DEUP1: variants seen among roughly 807,000 people sequenced by gnomAD.
DEUP1 encodes coiled-coil domain containing 67.
DEUP1 carries 82 observed loss-of-function variants against 87.4 expected under a neutral mutation model. The observed-to-expected ratio is 0.94, with a 90% confidence interval of 0.78 to 1.13. DEUP1 has a LOEUF of 1.13. Ranked by LOEUF, DEUP1 falls within the 50% of genes most tolerant of loss-of-function variation. The pLI, the probability that DEUP1 is intolerant of heterozygous loss-of-function variation, is 0.00. For missense variants in DEUP1, 663 were observed against 681.5 expected, an observed-to-expected ratio of 0.97 and a Z score of 0.30; for synonymous variants, 214 against 222.7, an observed-to-expected ratio of 0.96 and a Z score of 0.35.
At chr11:93,343,110 A>T (rs566518008) in intron 2 of DEUP1, among the ~76,000 whole-genome samples, 15 of 152,334 alleles carry the variant, frequency 9.8e-5, no homozygotes, top group South Asian at 4.1e-4. Flanking sequence ...CACAATTAGA[A>T]GTTATCAGAG....
At chr11:93,401,373 C>T (rs1054195210) in intron 11 of DEUP1, among the ~76,000 whole-genome samples, 3 of 151,902 alleles carry the variant, frequency 2.0e-5, no homozygotes, top group African/African-American at 7.2e-5. Context: ...CTACTCACAG[C>T]GATTTACAGA....
At chr11:93,432,439 T>C (rs181397536) in intron 13 of DEUP1, among the ~76,000 whole-genome samples, 63 of 152,214 alleles carry the variant, frequency 4.1e-4, no homozygotes, top group Admixed American at 1.9e-3. Context: ...GGAAGTGCAA[T>C]AGAATCGCCT....
chr11:93,437,750 C>CCA lies in DEUP1; in HGVS notation c.*32_*33insAC, dbSNP rs529862351. 3.5e-5 allele frequency: 37 copies of CCA among 1,044,798 alleles called. No individual in the cohort carries two copies. Among genetic ancestry groups the CCA allele is most frequent in the East Asian group, 1.1e-4 (4 of 36,322 alleles). The allele number at this position is 1,044,798 out of a possible 1,614,324, so 64.7% of individuals were successfully genotyped here. A position where few individuals can be genotyped will look rare whatever the true frequency, so the allele number is the denominator to read the frequency against. On this transcript the variant is annotated 3_prime_UTR_variant, in exon 14 of 14. Coordinates refer to ENST00000298050, the MANE Select transcript of DEUP1 (RefSeq NM_181645.4). The stretch of plus-strand genomic sequence containing the variant: ...TAAACTTTTTTATTTGCTTCCCCCC[C>CCA]CCACCCCCGCCAAGAAAAAAAGCTC...
At chr11:93,374,760 G>T (rs559990978) in intron 7 of DEUP1, among the ~76,000 whole-genome samples, 2 of 152,106 alleles carry the variant, frequency 1.3e-5, no homozygotes, top group East Asian at 1.9e-4. Context: ...AGCTATGCAG[G>T]CTCTTTTTTT....
chr11:93,344,045 T>C, intron 2 of DEUP1, among the ~76,000 whole-genome samples: 1 of 152,316 alleles, frequency 6.6e-6, no homozygotes, highest in South Asian at 2.1e-4. Context: ...GGAAAAGCTA[T>C]TTTTGTCTAT....
At chr11:93,382,561 G>C (rs1946346620) in intron 7 of DEUP1, among the ~76,000 whole-genome samples, 1 of 152,064 alleles carries the variant, frequency 6.6e-6, no homozygotes, top group African/African-American at 2.4e-5. Flanking sequence ...ATTTTACAGA[G>C]TTTCAGCTAA....
In DEUP1 at chr11:93,393,071, TCTTCTCTTCCTCCTTC is replaced by T. The variant is rs375867260; in HGVS notation, c.1042-1387_1042-1372del. 8.3e-3 allele frequency among the ~76,000 whole-genome samples: 1,101 copies of T among 131,928 alleles called. 22 individuals are homozygous for T. Among genetic ancestry groups the T allele is most frequent in the African/African-American group, 0.036 (1,036 of 28,598 alleles). The allele number at this position is 131,928 out of a possible 152,430, so 86.5% of individuals were successfully genotyped here. A position where few individuals can be genotyped will look rare whatever the true frequency, so the allele number is the denominator to read the frequency against. On this transcript the variant is annotated intron_variant, in intron 9 of 13. Transcript: ENST00000298050. ...TCTTTCTCCTCCTCCTCCTCCTTCT[TCTTCTCTTCCTCCTTC>T]TTTTTTTTTTTTTTTTTTGAGACAG...
intron 4 of DEUP1, among the ~76,000 whole-genome samples, chr11:93,361,670 T>A (rs1281850436): frequency 6.6e-6 from 1 of 151,858 alleles, no homozygotes; most frequent in East Asian, 1.9e-4. Flanking sequence ...TAAAATGGAT[T>A]CTAAAATAAT....
At chr11:93,390,278 A>T (rs1946727233) in intron 9 of DEUP1, among the ~76,000 whole-genome samples, 1 of 152,210 alleles carries the variant, frequency 6.6e-6, no homozygotes, top group Non-Finnish European at 1.5e-5. Flanking sequence ...TCATAAATTC[A>T]GTTGTTTGTA....
intron 7 of DEUP1, among the ~76,000 whole-genome samples, chr11:93,375,881 T>C (rs760294515): frequency 6.6e-6 from 1 of 152,210 alleles, no homozygotes; most frequent in Non-Finnish European, 1.5e-5. Context: ...TCTTTGAATG[T>C]TTGATAGAAT....
chr11:93,362,956 C>T (rs981313253), intron 4 of DEUP1, among the ~76,000 whole-genome samples: 1 of 151,410 alleles, frequency 6.6e-6, no homozygotes, highest in Non-Finnish European at 1.5e-5. Context: ...AAGTAGACAC[C>T]ATTGTTCATA....
At chr11:93,407,840 A>G (rs1304603383) in intron 11 of DEUP1, among the ~76,000 whole-genome samples, 1 of 151,322 alleles carries the variant, frequency 6.6e-6, no homozygotes, top group African/African-American at 2.4e-5. Flanking sequence ...GGTTGGTGCA[A>G]AAGTAATTGC....
At chr11:93,379,443 C>T (rs973487178) in intron 7 of DEUP1, among the ~76,000 whole-genome samples, 10 of 152,150 alleles carry the variant, frequency 6.6e-5, no homozygotes, top group Non-Finnish European at 1.2e-4. Context: ...CATTGAGGAA[C>T]ATTATTATAA....
At chr11:93,373,625 G>GTGTATATATATATATATA (rs796309948) in intron 7 of DEUP1, among the ~76,000 whole-genome samples, 7 of 67,002 alleles carry the variant, frequency 1.0e-4, no homozygotes, top group African/African-American at 2.8e-4. Context: ...ATATATATAC[G>GTGTATATATATATATATA]TATATATATA....
chr11:93,396,113 G>A (rs12286814), intron 10 of DEUP1, 126 bp from the exon 11 acceptor site: 183,128 of 660,996 alleles, frequency 0.28, 26,765 homozygotes, highest in South Asian at 0.39. Context: ...AATGTTATTG[G>A]TCGTACCGAA....
chr11:93,353,002 C>T (rs1361626820), intron 2 of DEUP1, among the ~76,000 whole-genome samples: 4 of 152,120 alleles, frequency 2.6e-5, no homozygotes, highest in Non-Finnish European at 5.9e-5. Flanking sequence ...TCCCAACAGT[C>T]CCCCAAAGTT....
At chr11:93,364,081 C>G (rs1768438999) in intron 4 of DEUP1, 79 bp from the exon 5 acceptor site, 10 of 1,073,150 alleles carry the variant, frequency 9.3e-6, no homozygotes, top group Middle Eastern at 3.1e-4. Context: ...CAAAGAGGTA[C>G]ACAGGAAAAG....
intron 2 of DEUP1, among the ~76,000 whole-genome samples, chr11:93,354,003 T>G (rs1944763810): frequency 6.6e-6 from 1 of 152,150 alleles, no homozygotes; most frequent in African/African-American, 2.4e-5. Context: ...GAATTTCCCC[T>G]CAAAAAATGG....
intron 3 of DEUP1, among the ~76,000 whole-genome samples, chr11:93,355,962 G>A (rs1280049109): frequency 1.7e-4 from 26 of 152,136 alleles, no homozygotes; most frequent in Non-Finnish European, 1.3e-4. Context: ...ATTGATAATA[G>A]GACAAAGGAG....
Sources: gnomAD v4.1 joint callset for allele counts (sites outside exome capture counted in the v4.1 genomes callset) on GRCh38, gnomAD v4.1.1 for gene constraint, MANE v1.5 for transcripts, NCBI Gene and HGNC (gene_info 2026-07-23, HGNC 2026-07-21) for gene names.